Variants in SSH2 observed in about 807,000 individuals in gnomAD.
SSH2 encodes slingshot protein phosphatase 2.
In SSH2, 37 loss-of-function variants were observed where a neutral mutation model predicts 135.2. That is an observed-to-expected ratio of 0.27 (90% CI 0.21 to 0.36). The LOEUF (loss-of-function observed/expected upper bound fraction) is 0.36, where lower values mean the gene tolerates loss of function less well. Among genes scored for constraint, SSH2 ranks in the 10% least tolerant of loss-of-function variants. The probability of loss-of-function intolerance (pLI) is 1.00; values close to 1 mark genes in which losing one functional copy is unlikely to be tolerated. For synonymous variants in SSH2, 628 were observed against 646.2 expected, an observed-to-expected ratio of 0.97 and a Z score of 0.43; for missense variants, 1,408 against 1,765.3, an observed-to-expected ratio of 0.80 and a Z score of 3.63.
intron 2 of SSH2, among the ~76,000 whole-genome samples, chr17:29,796,200 CTCTT>C (rs2042152925): frequency 6.6e-6 from 1 of 152,156 alleles, no homozygotes; most frequent in Non-Finnish European, 1.5e-5. Flanking sequence ...TTTCCCATTC[CTCTT>C]TCTATTATGT....
intron 2 of SSH2, among the ~76,000 whole-genome samples, chr17:29,832,850 A>T (rs2042872011): frequency 6.6e-6 from 1 of 152,052 alleles, no homozygotes; most frequent in Non-Finnish European, 1.5e-5. Context: ...TGTTTTTAGT[A>T]GAGACAGAGT....
chr17:29,840,588 A>T (rs1012693702), intron 2 of SSH2, among the ~76,000 whole-genome samples: 1 of 152,194 alleles, frequency 6.6e-6, no homozygotes. Context: ...CAAATTAGGG[A>T]TGGTGAAGAA....
chr17:29,669,722 A>G (rs949187511), intron 9 of SSH2, among the ~76,000 whole-genome samples: 2 of 152,118 alleles, frequency 1.3e-5, no homozygotes, highest in Non-Finnish European at 2.9e-5. Flanking sequence ...AATTAGGGTT[A>G]TTATTATACA....
intron 2 of SSH2, among the ~76,000 whole-genome samples, chr17:29,818,288 G>A (rs1003736464): frequency 3.0e-4 from 43 of 145,056 alleles, no homozygotes; most frequent in Middle Eastern, 3.6e-3. Flanking sequence ...TTGCCTTGTC[G>A]CCCAGGCTGA....
At chr17:29,689,504 G>T (rs2038374278) in intron 5 of SSH2, among the ~76,000 whole-genome samples, 1 of 152,150 alleles carries the variant, frequency 6.6e-6, no homozygotes, top group South Asian at 2.1e-4. Flanking sequence ...CACTACTGAA[G>T]TCCATTTTAA....
intron 2 of SSH2, among the ~76,000 whole-genome samples, chr17:29,824,693 G>A (rs1490827642): frequency 6.6e-6 from 1 of 152,142 alleles, no homozygotes; most frequent in African/African-American, 2.4e-5. Flanking sequence ...GTAGAGAATG[G>A]ATATAGGGTA....
rs931172043 is a variant in SSH2, at chr17:29,892,624, AT to A, written c.63+37313del. 3.3e-4 allele frequency among the ~76,000 whole-genome samples: 49 copies of A among 150,356 alleles called. No homozygotes were observed. The East Asian group carries it at 5.8e-3, about 18-fold the overall frequency. ...TCTCGACCATGACTGACTAGCTTAAATTTTTTTTTTGTAAATTAAAATAAAA... is the reference window on the plus strand; with the variant it reads ...TCTCGACCATGACTGACTAGCTTAAATTTTTTTTTGTAAATTAAAATAAAA... On this transcript the variant is annotated intron_variant, in intron 1 of 15. Coordinates refer to ENST00000540801, the MANE Select transcript of SSH2 (RefSeq NM_001282129.2).
intron 3 of SSH2, among the ~76,000 whole-genome samples, chr17:29,792,056 G>T (rs776611991): frequency 1.9e-4 from 29 of 151,554 alleles, no homozygotes; most frequent in Non-Finnish European, 3.5e-4. Context: ...CTGAGTAGCT[G>T]GGATTACAGG....
At chr17:29,650,567 T>G in intron 13 of SSH2, 87 bp downstream of exon 13, 2 of 1,269,624 alleles carry the variant, frequency 1.6e-6, no homozygotes, top group Non-Finnish European at 2.1e-6. Context: ...GTACCATCAG[T>G]AAGTTGTCTA....
intron 1 of SSH2, chr17:29,929,716 T>G: frequency 3.4e-6 from 2 of 583,946 alleles, no homozygotes; most frequent in South Asian, 2.0e-5. Flanking sequence ...AGGGCGAGGA[T>G]TGTGAGGAGC....
Position 29,636,584 on chromosome 17 carries a change from C to A in SSH2, c.1646G>T (p.Cys549Phe). Reference protein sequence around the residue: ...VPQDANQKGLCTKERMICLEF... With the variant: ...VPQDANQKGLFTKERMICLEF... Reference sequence around the variant, plus strand: ...CAAGCAGATCATTCTTTCTTTGGTACACAGGCCTTTCTGATTTGCATCTTG... The same window carrying A: ...CAAGCAGATCATTCTTTCTTTGGTAAACAGGCCTTTCTGATTTGCATCTTG... The change falls in exon 15 of 16, where the codon TGT becomes TTT. Residue 549 changes from cysteine to phenylalanine, a missense_variant. Physicochemically the swap from Cys to Phe is radical, Grantham distance 205. Transcript: ENST00000540801. 3 of 1,614,142 alleles carry A rather than the reference C, an allele frequency of 1.9e-6. No homozygotes were observed. The highest frequency in any genetic ancestry group is 2.5e-6 in the Non-Finnish European group (3 of 1,180,028).
At position 29,925,933 on chromosome 17, in the gene SSH2, AC is replaced by A. The variant is rs768639411; in HGVS notation, c.63+4004del. Among the ~76,000 whole-genome samples, 6 of 152,332 alleles carry A rather than the reference AC, an allele frequency of 3.9e-5. No homozygotes were observed. In the East Asian group the frequency reaches 9.6e-4, roughly 24 times the overall value. ...AAAAGTTTAAAAAAAGAAAATTTAT[AC>A]CAGAAAGAATCAAAAGAGACAGAGA... On this transcript the variant is annotated intron_variant, in intron 1 of 15. Coordinates refer to ENST00000540801, the MANE Select transcript of SSH2 (RefSeq NM_001282129.2).
At chr17:29,865,386 C>G (rs901605279) in intron 1 of SSH2, among the ~76,000 whole-genome samples, 5 of 152,178 alleles carry the variant, frequency 3.3e-5, no homozygotes, top group African/African-American at 1.2e-4. Flanking sequence ...AGCAGGAAAG[C>G]TTTACAACCC....
At chr17:29,694,543 C>A (rs1440662050) in intron 5 of SSH2, among the ~76,000 whole-genome samples, 1 of 152,166 alleles carries the variant, frequency 6.6e-6, no homozygotes, top group African/African-American at 2.4e-5. Context: ...GTAGTGTGCG[C>A]CTGTAGTCCC....
intron 2 of SSH2, among the ~76,000 whole-genome samples, chr17:29,815,035 A>C (rs568644193): frequency 2.1e-5 from 3 of 142,232 alleles, no homozygotes; most frequent in Admixed American, 1.5e-4. Flanking sequence ...TGGAACCTCC[A>C]CCTCCCAGGT....
chr17:29,679,250 C>T (rs192426172), intron 6 of SSH2, among the ~76,000 whole-genome samples: 63 of 152,064 alleles, frequency 4.1e-4, no homozygotes, highest in African/African-American at 1.4e-3. Context: ...CTATCTAGAG[C>T]GGAAGCATGG....
chr17:29,812,890 AAAACAAACAAAC>A (rs903101929), intron 2 of SSH2, among the ~76,000 whole-genome samples: 1 of 151,772 alleles, frequency 6.6e-6, no homozygotes, highest in Non-Finnish European at 1.5e-5. Flanking sequence ...CTCCGTCACA[AAAACAAACAAAC>A]AAACAAACAA....
intron 3 of SSH2, among the ~76,000 whole-genome samples, chr17:29,761,841 A>ATGTGTGTG (rs1491453124): frequency 7.1e-6 from 1 of 141,300 alleles, no homozygotes; most frequent in African/African-American, 2.9e-5. Context: ...ACTCACATAC[A>ATGTGTGTG]TATGTGTGTG....
At chr17:29,838,296 C>A (rs2042979543) in intron 2 of SSH2, among the ~76,000 whole-genome samples, 1 of 152,202 alleles carries the variant, frequency 6.6e-6, no homozygotes, top group Non-Finnish European at 1.5e-5. Context: ...GAGATGGAGG[C>A]TGAGGGGGCA....
Sources: allele counts gnomAD v4.1 joint callset (sites outside exome capture counted in the v4.1 genomes callset), GRCh38; gene constraint gnomAD v4.1.1; transcripts MANE v1.5; gene names NCBI Gene and HGNC (gene_info 2026-07-23, HGNC 2026-07-21).